The following GRM7 variants were observed in gnomAD, a reference collection of about 807,000 sequenced individuals.
GRM7 encodes the protein metabotropic glutamate receptor 7.
GRM7 carries 35 observed loss-of-function variants against 84.5 expected under a neutral mutation model. That is an observed-to-expected ratio of 0.41 (90% CI 0.32 to 0.55). The LOEUF (loss-of-function observed/expected upper bound fraction) is 0.55. Among genes scored for constraint, GRM7 ranks in the 20% least tolerant of loss-of-function variants. The pLI, the probability that GRM7 is intolerant of heterozygous loss-of-function variation, is 0.19. For synonymous variants in GRM7, 487 were observed against 455.1 expected (o/e 1.07, Z -0.89); for missense variants, 1,003 against 1,194.6 (o/e 0.84, Z 2.36).
chr3:7,653,180 C>CATTT (rs1440978783), intron 8 of GRM7, among the ~76,000 whole-genome samples: 88 of 89,512 alleles, frequency 9.8e-4, no homozygotes, highest in African/African-American at 4.3e-3. Flanking sequence ...ATACTATATC[C>CATTT]TTTTTTTTTT....
chr3:7,244,930 A>G (rs1165282895), intron 2 of GRM7, among the ~76,000 whole-genome samples: 1 of 152,064 alleles, frequency 6.6e-6, no homozygotes, highest in Non-Finnish European at 1.5e-5. Context: ...CAGGGAAAGA[A>G]AGTATACAAT....
chr3:6,980,879 G>A (rs904924494), intron 1 of GRM7, among the ~76,000 whole-genome samples: 2 of 152,208 alleles, frequency 1.3e-5, no homozygotes, highest in Non-Finnish European at 2.9e-5. Context: ...TAGATTAGGT[G>A]AGATGATCCC....
chr3:7,157,849 C>T (rs1033249587), intron 2 of GRM7, among the ~76,000 whole-genome samples: 1 of 151,938 alleles, frequency 6.6e-6, no homozygotes, highest in African/African-American at 2.4e-5. Context: ...TCCCTGCACA[C>T]ACATGGATTT....
At chr3:6,983,443 G>C (rs1224620777) in intron 1 of GRM7, among the ~76,000 whole-genome samples, 3 of 152,134 alleles carry the variant, frequency 2.0e-5, no homozygotes, top group African/African-American at 7.2e-5. Context: ...GGGGAAAAGG[G>C]TCACTATCCT....
At chr3:7,298,202 A>T (rs1359071057) in intron 2 of GRM7, among the ~76,000 whole-genome samples, 2 of 152,088 alleles carry the variant, frequency 1.3e-5, no homozygotes. Context: ...CACTTATTCC[A>T]CTGGAATTGA....
chr3:7,688,979 T>C (rs1700691636), intron 9 of GRM7, among the ~76,000 whole-genome samples: 1 of 152,220 alleles, frequency 6.6e-6, no homozygotes, highest in Non-Finnish European at 1.5e-5. Flanking sequence ...CTGCATCCTT[T>C]ACATGAATAT....
At chr3:7,502,571 C>T (rs567553268) in intron 7 of GRM7, among the ~76,000 whole-genome samples, 1 of 151,962 alleles carries the variant, frequency 6.6e-6, no homozygotes, top group South Asian at 2.1e-4. Flanking sequence ...TGTTAATTCT[C>T]GTGTGTGTGT....
intron 5 of GRM7, among the ~76,000 whole-genome samples, chr3:7,437,238 G>C (rs1239197268): frequency 6.6e-6 from 1 of 152,150 alleles, no homozygotes; most frequent in Non-Finnish European, 1.5e-5. Flanking sequence ...GCTGTTGTAT[G>C]AGTTAAGTGA....
intron 8 of GRM7, among the ~76,000 whole-genome samples, chr3:7,670,713 C>T (rs1366156934): frequency 1.4e-3 from 1 of 740 alleles, no homozygotes; most frequent in Non-Finnish European, 2.2e-3. Context: ...AACTGATAAG[C>T]TCAGATTAAT....
chr3:7,523,865 T>C (rs777514407), intron 7 of GRM7, among the ~76,000 whole-genome samples: 1 of 151,976 alleles, frequency 6.6e-6, no homozygotes, highest in Non-Finnish European at 1.5e-5. Context: ...TTGAGAAAAA[T>C]AGAGGACTTT....
At chr3:7,189,208 T>C (rs1358634129) in intron 2 of GRM7, among the ~76,000 whole-genome samples, 1 of 152,310 alleles carries the variant, frequency 6.6e-6, no homozygotes, top group Non-Finnish European at 1.5e-5. Flanking sequence ...ATCCTGTATA[T>C]GCATACATAT....
At chr3:7,364,225 A>G (rs865968977) in intron 4 of GRM7, among the ~76,000 whole-genome samples, 12 of 152,036 alleles carry the variant, frequency 7.9e-5, no homozygotes, top group Non-Finnish European at 1.6e-4. Flanking sequence ...CAGAATTGGT[A>G]TCTTTCTTCC....
intron 9 of GRM7, among the ~76,000 whole-genome samples, chr3:7,727,925 G>A (rs1030529308): frequency 5.9e-5 from 9 of 152,134 alleles, no homozygotes; most frequent in African/African-American, 2.2e-4. Flanking sequence ...CTGCGATTCT[G>A]TCTTTTGCCT....
chr3:6,973,344 T>C (rs1275037301), intron 1 of GRM7, among the ~76,000 whole-genome samples: 1 of 152,134 alleles, frequency 6.6e-6, no homozygotes, highest in South Asian at 2.1e-4. Context: ...AGCACCGATC[T>C]CAGTACTAAA....
At chr3:6,976,156 C>A (rs143257999) in intron 1 of GRM7, among the ~76,000 whole-genome samples, 2 of 152,106 alleles carry the variant, frequency 1.3e-5, no homozygotes. Flanking sequence ...CCCCTATAGC[C>A]GTAGAAGTTA....
At chr3:7,627,065 T>G (rs1338735575) in intron 8 of GRM7, among the ~76,000 whole-genome samples, 1 of 152,142 alleles carries the variant, frequency 6.6e-6, no homozygotes, top group Non-Finnish European at 1.5e-5. Flanking sequence ...GCTGTTGAGC[T>G]TTGGGTCACA....
Position 7,554,017 on chromosome 3 carries a change from G to C in GRM7, c.1516-24405G>C, listed in dbSNP as rs376106635. On this transcript the variant is annotated intron_variant, in intron 7 of 9. Coordinates refer to ENST00000357716, the MANE Select transcript of GRM7 (RefSeq NM_000844.4). ...GTAGCTCCATAGGGCAGGGGTAAAGGGTCTCATGTCTCAGTGCAGCGTTCT... is the reference window on the plus strand; with the variant it reads ...GTAGCTCCATAGGGCAGGGGTAAAGCGTCTCATGTCTCAGTGCAGCGTTCT... Among the ~76,000 whole-genome samples the C allele has an allele frequency of 7.4e-4, 113 of 152,200 alleles. 4 individuals carry two copies. In the South Asian group the frequency reaches 0.023, roughly 31 times the overall value.
intron 8 of GRM7, among the ~76,000 whole-genome samples, chr3:7,594,951 TG>T (rs1695968757): frequency 6.6e-6 from 1 of 152,164 alleles, no homozygotes; most frequent in African/African-American, 2.4e-5. Context: ...TGTGTGTGTG[TG>T]TGTGTGTGTT....
At chr3:7,035,796 C>T (rs1200078179) in intron 1 of GRM7, among the ~76,000 whole-genome samples, 1 of 152,108 alleles carries the variant, frequency 6.6e-6, no homozygotes, top group Non-Finnish European at 1.5e-5. Context: ...AGACAAGTCT[C>T]AGAGTTACCT....
Sources: allele counts gnomAD v4.1 joint callset (sites outside exome capture counted in the v4.1 genomes callset), GRCh38; gene constraint gnomAD v4.1.1; transcripts MANE v1.5; gene names NCBI Gene and HGNC (gene_info 2026-07-23, HGNC 2026-07-21).